Variants in CSMD1 observed in about 807,000 individuals in gnomAD.
CSMD1 encodes the protein CUB and sushi domain-containing protein 1.
Under a neutral mutation model 417.5 loss-of-function variants are expected in CSMD1, and 213 were observed. The observed-to-expected ratio is 0.51, with a 90% confidence interval of 0.46 to 0.57. The LOEUF is 0.57. Among genes scored for constraint, CSMD1 ranks in the 20% least tolerant of loss-of-function variants. CSMD1 has a pLI of 0.00. For missense variants in CSMD1, 6,923 were observed against 4,529.7 expected (o/e 1.53, Z -15.17); for synonymous variants, 2,862 against 1,736.8 (o/e 1.65, Z -16.11).
intron 2 of CSMD1, among the ~76,000 whole-genome samples, chr8:4,484,182 C>T (rs1469562670): frequency 6.8e-6 from 1 of 148,008 alleles, no homozygotes; most frequent in African/African-American, 2.5e-5. Flanking sequence ...AGTGATTGGA[C>T]TGCAGCTTGG....
chr8:3,856,076 T>C (rs1180011459), intron 5 of CSMD1, among the ~76,000 whole-genome samples: 1 of 152,154 alleles, frequency 6.6e-6, no homozygotes, highest in Non-Finnish European at 1.5e-5. Context: ...TTTGGATCTG[T>C]GTTCCCACCT....
At chr8:4,240,503 A>C (rs1802332208) in intron 3 of CSMD1, among the ~76,000 whole-genome samples, 3 of 152,234 alleles carry the variant, frequency 2.0e-5, no homozygotes, top group African/African-American at 7.2e-5. Flanking sequence ...CAAAGCCTGC[A>C]GCAAGAATCT....
chr8:4,072,773 C>G (rs571591821), intron 3 of CSMD1, among the ~76,000 whole-genome samples: 2 of 152,256 alleles, frequency 1.3e-5, no homozygotes, highest in African/African-American at 4.8e-5. Context: ...TCACATGGAG[C>G]CTCACAGTCA....
intron 1 of CSMD1, among the ~76,000 whole-genome samples, chr8:4,922,326 C>T (rs1806554297): frequency 6.6e-6 from 1 of 152,138 alleles, no homozygotes; most frequent in Non-Finnish European, 1.5e-5. Context: ...TATCCCTGTC[C>T]CACCCCATCT....
chr8:3,764,067 C>T (rs1288692213), intron 5 of CSMD1, among the ~76,000 whole-genome samples: 1 of 152,134 alleles, frequency 6.6e-6, no homozygotes, highest in Non-Finnish European at 1.5e-5. Flanking sequence ...AGGCCACAGG[C>T]TCTCAGATGT....
At position 4,787,848 on chromosome 8, in the gene CSMD1, C is replaced by T. The variant is rs1797489320; in HGVS notation, c.86-150290G>A. 5.7e-6 allele frequency: 9 copies of T among 1,568,094 alleles called. No homozygotes were observed. The South Asian group carries it at 6.7e-5, about 12-fold the overall frequency. ...CTATATTTGAAATGCTGGAGAAATC[C>T]TGGTTGCCCCAGAATTGTACACTGG... is the stretch of plus-strand genomic sequence containing the variant. On this transcript the variant is annotated intron_variant, in intron 1 of 69. Coordinates refer to ENST00000635120, the MANE Select transcript of CSMD1 (RefSeq NM_033225.6).
At chr8:4,796,518 G>C (rs1797991475) in intron 1 of CSMD1, among the ~76,000 whole-genome samples, 1 of 151,280 alleles carries the variant, frequency 6.6e-6, no homozygotes, top group African/African-American at 2.4e-5. Context: ...TCAATGACCT[G>C]GGAGCCATCC....
intron 3 of CSMD1, among the ~76,000 whole-genome samples, chr8:4,077,881 G>C (rs1023183527): frequency 1.3e-5 from 2 of 151,932 alleles, no homozygotes; most frequent in Non-Finnish European, 2.9e-5. Flanking sequence ...ACTTGTAATT[G>C]ATGCCCAATA....
chr8:3,113,438 A>G (rs1378416866), intron 42 of CSMD1: 1 of 152,256 alleles, frequency 6.6e-6, no homozygotes, highest in Non-Finnish European at 1.5e-5. Context: ...CTATTTGCTC[A>G]TGTATTTTTC....
chr8:4,313,201 A>G (rs1798727535), intron 3 of CSMD1, among the ~76,000 whole-genome samples: 1 of 152,132 alleles, frequency 6.6e-6, no homozygotes, highest in Non-Finnish European at 1.5e-5. Flanking sequence ...CCTAGGGAAT[A>G]ATAACAGGAA....
intron 5 of CSMD1, among the ~76,000 whole-genome samples, chr8:3,898,410 T>C (rs952069364): frequency 6.6e-6 from 1 of 152,194 alleles, no homozygotes; most frequent in Non-Finnish European, 1.5e-5. Flanking sequence ...TCAAGTGCCA[T>C]TATAAAGTGT....
chr8:3,081,687 T>C lies in CSMD1; in HGVS notation c.7474+5410A>G, dbSNP rs1018743155. Among the ~76,000 whole-genome samples the C allele has an allele frequency of 4.6e-5, 7 of 152,344 alleles. No individual in the cohort carries two copies. The South Asian group carries it at 1.2e-3, about 27-fold the overall frequency. On this transcript the variant is annotated intron_variant, in intron 49 of 69. Coordinates refer to ENST00000635120, the MANE Select transcript of CSMD1 (RefSeq NM_033225.6). ...AGAGTCTAAACTGTTATTTATTTTG[T>C]GGTAGAGCTGCCTAGTTTGAAATTT...
rs1480839158 is a variant in CSMD1 at position 3,989,380 on chromosome 8, T to G, written c.818+8523A>C. ...CTTTTATGGCCTGCTGATAGAAAGGTAATGAAAAAACGACAGAGGACATTG... is the reference window on the plus strand; with the variant it reads ...CTTTTATGGCCTGCTGATAGAAAGGGAATGAAAAAACGACAGAGGACATTG... On this transcript the variant is annotated intron_variant, in intron 5 of 69. Coordinates refer to ENST00000635120, the MANE Select transcript of CSMD1 (RefSeq NM_033225.6). Among the ~76,000 whole-genome samples the G allele has an allele frequency of 3.3e-5, 5 of 152,134 alleles. No individual in the cohort carries two copies. The South Asian group carries it at 1.0e-3, about 31-fold the overall frequency.
In CSMD1 at chr8:4,781,156, T is replaced by C. The variant is rs76711222; in HGVS notation, c.86-143598A>G. On this transcript the variant is annotated intron_variant, in intron 1 of 69. Transcript: ENST00000635120. ...GTCACCTGCAATCCCACATAGTGGC[T>C]GTGCTTTGTGCCCAACCTAGCAAAT... Among the ~76,000 whole-genome samples, 883 of 152,326 alleles carry C rather than the reference T, an allele frequency of 5.8e-3. 20 individuals carry two copies. Among genetic ancestry groups the C allele is most frequent in the East Asian group, 0.041 (214 of 5,168 alleles).
At chr8:4,621,973 A>G (rs892134792) in intron 2 of CSMD1, among the ~76,000 whole-genome samples, 3 of 152,108 alleles carry the variant, frequency 2.0e-5, no homozygotes, top group Non-Finnish European at 4.4e-5. Context: ...AAAAAATTAC[A>G]TACTTATTCA....
chr8:3,190,769 A>T (rs1796370378), intron 33 of CSMD1, among the ~76,000 whole-genome samples: 2 of 152,196 alleles, frequency 1.3e-5, no homozygotes, highest in Non-Finnish European at 2.9e-5. Context: ...GATAAAGAAA[A>T]CGTGGAGTAG....
At chr8:3,535,798 G>C (rs1395733307) in intron 10 of CSMD1, among the ~76,000 whole-genome samples, 1 of 152,026 alleles carries the variant, frequency 6.6e-6, no homozygotes, top group Non-Finnish European at 1.5e-5. Context: ...AATTCCCAAG[G>C]GCTGGATTCC....
rs1166139515 is a variant in CSMD1, at chr8:3,728,351, A to G, written c.932-19860T>C. On this transcript the variant is annotated intron_variant, in intron 6 of 69. Coordinates refer to ENST00000635120, the MANE Select transcript of CSMD1 (RefSeq NM_033225.6). ...CCCAGCCACGTGGAACTGGGAGTCC[A>G]TTAAACCTCGTTCCTTTATCAATTA... Among the ~76,000 whole-genome samples, 17 of 152,312 alleles carry G rather than the reference A, an allele frequency of 1.1e-4. No individual in the cohort carries two copies. In the East Asian group the frequency reaches 3.1e-3, roughly 28 times the overall value.
At chr8:3,940,361 GA>G (rs1330333640) in intron 5 of CSMD1, among the ~76,000 whole-genome samples, 15 of 152,014 alleles carry the variant, frequency 9.9e-5, no homozygotes, top group African/African-American at 3.6e-4. Context: ...ATGGTGGGGG[GA>G]AAACAGTATG....
Sources: allele counts gnomAD v4.1 joint callset (sites outside exome capture counted in the v4.1 genomes callset), GRCh38; gene constraint gnomAD v4.1.1; transcripts MANE v1.5; gene names NCBI Gene and HGNC (gene_info 2026-07-23, HGNC 2026-07-21).